AK8: variants seen among roughly 807,000 people sequenced by gnomAD.
The protein encoded by AK8 is adenylate kinase 8.
AK8 carries 44 observed loss-of-function variants against 54.6 expected under a neutral mutation model. That is an observed-to-expected ratio of 0.81 (90% CI 0.63 to 1.04). The LOEUF is 1.04. Among genes scored for constraint, AK8 ranks in the 50% least tolerant of loss-of-function variants. The probability of loss-of-function intolerance (pLI) is 0.00; values close to 1 mark genes in which losing one functional copy is unlikely to be tolerated. For missense variants in AK8, 555 were observed against 613.6 expected, an observed-to-expected ratio of 0.90 and a Z score of 1.01; for synonymous variants, 239 against 245.6, an observed-to-expected ratio of 0.97 and a Z score of 0.25.
intron 11 of AK8, among the ~76,000 whole-genome samples, chr9:132,792,352 A>G (rs946434035): frequency 6.6e-6 from 1 of 152,224 alleles, no homozygotes; most frequent in Non-Finnish European, 1.5e-5. Flanking sequence ...AGAAGAAAAC[A>G]TCCATTGATT....
At chr9:132,754,780 C>T (rs1838105566) in intron 11 of AK8, among the ~76,000 whole-genome samples, 1 of 151,858 alleles carries the variant, frequency 6.6e-6, no homozygotes, top group South Asian at 2.1e-4. Context: ...CAAAACATTA[C>T]CACTGATTTT....
At chr9:132,819,761 T>A (rs1841495367) in intron 9 of AK8, among the ~76,000 whole-genome samples, 1 of 152,192 alleles carries the variant, frequency 6.6e-6, no homozygotes, top group Non-Finnish European at 1.5e-5. Context: ...AGACCATATA[T>A]GCAAATTTCA....
chr9:132,790,685 C>T lies in AK8; in HGVS notation c.1121+1949G>A, dbSNP rs574235280. On this transcript the variant is annotated intron_variant, in intron 11 of 12. Coordinates refer to ENST00000298545, the MANE Select transcript of AK8 (RefSeq NM_152572.3). This position sits in a 1 kb window ranked among gnomAD's most constrained non-coding sequence, Gnocchi z 4.1. ...ATCATGACACCCTGTTCTGAAAGTACCGCCCAACAAGAGTAAAATGAAAAG... is the reference window on the plus strand; with the variant it reads ...ATCATGACACCCTGTTCTGAAAGTATCGCCCAACAAGAGTAAAATGAAAAG... Among the ~76,000 whole-genome samples the T allele has an allele frequency of 1.3e-5, 2 of 152,172 alleles. No homozygotes were observed. The highest frequency in any genetic ancestry group is 4.2e-4 in the South Asian group (2 of 4,814).
At chr9:132,871,171 G>A (rs1180342676) in intron 2 of AK8, among the ~76,000 whole-genome samples, 1 of 152,118 alleles carries the variant, frequency 6.6e-6, no homozygotes, top group Non-Finnish European at 1.5e-5. Flanking sequence ...ACTTGAACCT[G>A]GGAGGCGGAG....
At chr9:132,868,182 C>T (rs75107504) in intron 2 of AK8, among the ~76,000 whole-genome samples, 43 of 152,324 alleles carry the variant, frequency 2.8e-4, no homozygotes, top group African/African-American at 1.0e-3. Context: ...GGAATCTCAT[C>T]TCAGCAGAGG....
At position 132,851,931 on chromosome 9, in the gene AK8, A is replaced by G. The variant is rs1842985528; in HGVS notation, c.402+2926T>C. 2.6e-5 allele frequency among the ~76,000 whole-genome samples: 4 copies of G among 152,368 alleles called. No homozygotes were observed. In the South Asian group the frequency reaches 8.3e-4, roughly 32 times the overall value. Reference sequence around the variant, plus strand: ...TCTCTACTCACATGAGAGCAGATACAGATGTCACCACCACGTAACTCAGAT... The same window carrying G: ...TCTCTACTCACATGAGAGCAGATACGGATGTCACCACCACGTAACTCAGAT... On this transcript the variant is annotated intron_variant, in intron 5 of 12. Transcript: ENST00000298545.
At chr9:132,823,391 C>T (rs763194658) in intron 8 of AK8, 55 bp from the exon 9 acceptor site, 66 of 1,607,018 alleles carry the variant, frequency 4.1e-5, no homozygotes, top group South Asian at 1.4e-4. Flanking sequence ...ACAGGAAACC[C>T]GCTTGCAGCC....
intron 9 of AK8, among the ~76,000 whole-genome samples, chr9:132,817,796 A>G (rs1409414360): frequency 1.3e-5 from 2 of 152,206 alleles, no homozygotes; most frequent in Admixed American, 1.3e-4. Flanking sequence ...CAGGCAGAAA[A>G]AAGATTTCAG....
At chr9:132,745,442 T>C (rs1364460380) in intron 11 of AK8, among the ~76,000 whole-genome samples, 1 of 152,098 alleles carries the variant, frequency 6.6e-6, no homozygotes, top group Non-Finnish European at 1.5e-5. Context: ...GCGGCTGTAA[T>C]GTGGAGAAGG....
At chr9:132,766,648 C>A (rs1838736652) in intron 11 of AK8, among the ~76,000 whole-genome samples, 1 of 151,802 alleles carries the variant, frequency 6.6e-6, no homozygotes, top group Non-Finnish European at 1.5e-5. Context: ...AAAAAAAAAA[C>A]TTAAAATTTA....
chr9:132,856,232 C>T (rs1361504348), intron 4 of AK8, among the ~76,000 whole-genome samples: 1 of 152,130 alleles, frequency 6.6e-6, no homozygotes, highest in African/African-American at 2.4e-5. Context: ...TTGCTGGGGG[C>T]GGGGGCCTCC....
At chr9:132,730,064 CTTG>C (rs1261466392) in intron 11 of AK8, among the ~76,000 whole-genome samples, 2 of 152,152 alleles carry the variant, frequency 1.3e-5, no homozygotes, top group African/African-American at 2.4e-5. Context: ...GGACTATGAC[CTTG>C]TTATTGTCTT....
At chr9:132,814,837 A>C in intron 9 of AK8, 110 bp from the exon 10 acceptor site, 1 of 856,418 alleles carries the variant, frequency 1.2e-6, no homozygotes, top group Non-Finnish European at 1.8e-6. Flanking sequence ...AAGGTCACTG[A>C]AAAAAGCATA....
intron 10 of AK8, among the ~76,000 whole-genome samples, chr9:132,798,126 C>A (rs559195664): frequency 8.5e-5 from 13 of 152,190 alleles, no homozygotes; most frequent in Admixed American, 8.5e-4. Flanking sequence ...GCAACAGACC[C>A]CACTGGGTGC....
In AK8 at chr9:132,725,715, A is replaced by G. The variant is rs767838160; in HGVS notation, c.1413T>C (p.Ile471=). The G allele has an allele frequency of 6.3e-7, 1 of 1,580,746 alleles. No homozygotes were observed. The highest frequency in any genetic ancestry group is 1.2e-5 in the South Asian group (1 of 86,538). The change falls in exon 13 of 13, where the codon ATT becomes ATC. Residue 471 remains isoleucine, a synonymous_variant. Coordinates refer to ENST00000298545, the MANE Select transcript of AK8 (RefSeq NM_152572.3). ...TVFEYIESGI[I]NPLPKKIP is the part of the protein sequence containing the mutation. ...AGGGGATTTTCTTGGGCAGGGGATT[A>G]ATGATCCCACTCTCGATGTATTCGA...
chr9:132,735,492 G>A (rs929293724), intron 11 of AK8, among the ~76,000 whole-genome samples: 1 of 151,974 alleles, frequency 6.6e-6, no homozygotes, highest in Admixed American at 6.6e-5. Flanking sequence ...CCTACACAAA[G>A]CAATATGACA....
intron 11 of AK8, among the ~76,000 whole-genome samples, chr9:132,747,440 A>C (rs1837705178): frequency 6.8e-6 from 1 of 147,782 alleles, no homozygotes. Context: ...GGCATAAGGC[A>C]CTGCACCCAG....
intron 5 of AK8, among the ~76,000 whole-genome samples, chr9:132,850,220 AT>A (rs34506307): frequency 0.027 from 3,329 of 122,972 alleles, 107 homozygotes; most frequent in African/African-American, 0.09. Flanking sequence ...TGCCCAGCTA[AT>A]TTTTTTTTTT....
intron 5 of AK8, among the ~76,000 whole-genome samples, chr9:132,844,229 AT>A (rs1842650974): frequency 1.4e-5 from 2 of 146,890 alleles, no homozygotes; most frequent in South Asian, 4.3e-4. Flanking sequence ...CAGAGTGCTA[AT>A]TTTTCTTTCT....
Sources: allele counts gnomAD v4.1 joint callset (sites outside exome capture counted in the v4.1 genomes callset), GRCh38; gene constraint gnomAD v4.1.1; non-coding constraint Gnocchi (gnomAD v3.1); transcripts MANE v1.5; gene names NCBI Gene and HGNC (gene_info 2026-07-23, HGNC 2026-07-21).